The following LAMA5 variants were observed in gnomAD, a reference collection of about 807,000 sequenced individuals.
LAMA5 encodes the protein laminin subunit alpha-5.
A neutral mutation model predicts 433.4 loss-of-function variants in LAMA5; 260 were observed. The ratio of observed to expected loss-of-function variants is 0.60; its 90% CI spans 0.54 to 0.66. The LOEUF is 0.66. LAMA5 is among the 30% of genes least tolerant of loss of function. The pLI, the probability that LAMA5 is intolerant of heterozygous loss-of-function variation, is 0.00. For missense variants in LAMA5, 5,378 were observed against 5,258.5 expected, an observed-to-expected ratio of 1.02 and a Z score of -0.70; for synonymous variants, 2,620 against 2,226.6, an observed-to-expected ratio of 1.18 and a Z score of -4.97.
In LAMA5 at chr20:62,327,890, G is replaced by A; in HGVS notation, c.4773C>T (p.Pro1591=). The A allele has an allele frequency of 6.2e-7, 1 of 1,611,088 alleles. No homozygotes were observed. The highest frequency in any genetic ancestry group is 1.1e-5 in the South Asian group (1 of 90,916). ...CCTTACAGTAGCACTGCCCTGTGAG[G>A]GGGTCACACACGCCAGGCGCAGTGC... ...EAGTAPGVCD[P]LTGQCYCKEN... is the part of the protein sequence containing the mutation. Residue 1591 remains proline, a synonymous_variant, in exon 36 of 80, where the codon CCC becomes CCT. Transcript: ENST00000252999.
chr20:62,358,239 G>A (rs539850468), intron 2 of LAMA5, among the ~76,000 whole-genome samples: 26 of 152,280 alleles, frequency 1.7e-4, no homozygotes, highest in African/African-American at 6.0e-4. Context: ...CCCTTGGGCC[G>A]TGTCCTCCTT....
Position 62,324,607 on chromosome 20 carries a change from C to T in LAMA5, c.5530-53G>A, listed in dbSNP as rs1978937281. The T allele has an allele frequency of 1.6e-6, 2 of 1,255,456 alleles. No homozygotes were observed. Among genetic ancestry groups the T allele is most frequent in the Non-Finnish European group, 2.3e-6 (2 of 872,298 alleles). The allele number at this position is 1,255,456 out of a possible 1,614,324, so 77.8% of individuals were successfully genotyped here. The stretch of plus-strand genomic sequence containing the variant: ...CAGCGATTGAGAGGACGAGGGGCCC[C>T]ACCCTGCAAGCTCACAAGTCAGACC... On this transcript the variant is annotated intron_variant, in intron 41 of 79. Coordinates refer to ENST00000252999, the MANE Select transcript of LAMA5 (RefSeq NM_005560.6). This position sits in a 1 kb window ranked among gnomAD's most constrained non-coding sequence, Gnocchi z 4.4.
At position 62,313,190 on chromosome 20, in the gene LAMA5, G is replaced by C. The variant is rs564205980; in HGVS notation, c.8853C>G (p.Phe2951Leu). 3.8e-6 allele frequency: 6 copies of C among 1,570,532 alleles called. No homozygotes were observed. The highest frequency in any genetic ancestry group is 5.2e-6 in the Non-Finnish European group (6 of 1,162,850). Residue 2951 changes from phenylalanine to leucine, a missense_variant, in exon 65 of 80, where the codon TTC becomes TTG. Phe to Leu is a conservative substitution (Grantham distance 22, BLOSUM62 0). Coordinates refer to ENST00000252999, the MANE Select transcript of LAMA5 (RefSeq NM_005560.6). ...TDGSYLDGTG[F>L]ARISFDSQIS... Reference sequence around the variant, plus strand: ...TCTGACTGTCGAAGCTGATGCGGGCGAAGCCGGTGCCGTCCAGGTAGGAGC... The same window carrying C: ...TCTGACTGTCGAAGCTGATGCGGGCCAAGCCGGTGCCGTCCAGGTAGGAGC...
Position 62,334,239 on chromosome 20 carries a change from G to A in LAMA5, c.2686C>T (p.Leu896Phe). 6.2e-7 allele frequency: 1 copy of A among 1,612,950 alleles called. No homozygotes were observed. Among genetic ancestry groups the A allele is most frequent in the Non-Finnish European group, 8.5e-7 (1 of 1,179,882 alleles). ...CTCCAGCTGAAGTTCTCGAACTCGAGGGGGTTGAAGCCAAAGCGCACGGCG... is the reference window on the plus strand; with the variant it reads ...CTCCAGCTGAAGTTCTCGAACTCGAAGGGGTTGAAGCCAAAGCGCACGGCG... Reference protein sequence around the residue: ...GHAVRFGFNPLEFENFSWRGY... With the variant: ...GHAVRFGFNPFEFENFSWRGY... The change falls in exon 22 of 80, where the codon CTC becomes TTC. Residue 896 changes from leucine to phenylalanine, a missense_variant. Transcript: ENST00000252999.
rs1263471942 is a variant in LAMA5, at chr20:62,320,759, C to T, written c.6628G>A (p.Ala2210Thr). ...AGTACCTGCAGGTCAGCGATGGAGG[C>T]GTTCAGCCTGTGCAGACGGGCCCAG... Reference protein sequence around the residue: ...MAWARLHRLNASIADLQSQLR... With the variant: ...MAWARLHRLNTSIADLQSQLR... The change falls in exon 49 of 80, where the codon GCC (alanine) becomes ACC (threonine). Residue 2210 changes from alanine (A) to threonine (T), a missense_variant. Coordinates refer to ENST00000252999, the MANE Select transcript of LAMA5 (RefSeq NM_005560.6). The T allele has an allele frequency of 1.2e-5, 20 of 1,612,532 alleles. No homozygotes were observed. Among genetic ancestry groups the T allele is most frequent in the Non-Finnish European group, 1.5e-5 (18 of 1,179,916 alleles).
chr20:62,327,345 C>T lies in LAMA5; in HGVS notation c.5000G>A (p.Arg1667Gln), dbSNP rs141174321. 142 of 1,601,678 alleles carry T rather than the reference C, an allele frequency of 8.9e-5. No individual in the cohort carries two copies. The East Asian group carries it at 2.6e-3, about 29-fold the overall frequency. Residue 1667 changes from arginine to glutamine, a missense_variant, in exon 38 of 80, where the codon CGG becomes CAG. By Grantham distance (43) the Arg-to-Gln change is conservative. Coordinates refer to ENST00000252999, the MANE Select transcript of LAMA5 (RefSeq NM_005560.6). The stretch of plus-strand genomic sequence containing the variant: ...ACGGAGCATCTCCGTCCCTGGCTGC[C>T]GCTCGTGGGGCACCACCTGCCGGTC... ...STDRQVVPHE[R>Q]QPGTEMLRAD...
chr20:62,333,767 C>G (rs1166287582), intron 23 of LAMA5, 61 bp from the exon 24 acceptor site: 37 of 1,483,022 alleles, frequency 2.5e-5, no homozygotes, highest in African/African-American at 4.2e-5. Flanking sequence ...CAGGCTGCAC[C>G]CCCTACAGGG....
Position 62,314,716 on chromosome 20 carries a change from G to A in LAMA5, c.8206C>T (p.Pro2736Ser), listed in dbSNP as rs1220767873. Residue 2736 changes from proline (P) to serine (S), a missense_variant, in exon 61 of 80, where the codon CCC becomes TCC. Pro to Ser is a moderately conservative substitution (Grantham distance 74, BLOSUM62 -1). Transcript: ENST00000252999. ...CCTGAGCGCCCGTTGAACTTCATGG[G>A]CACCTTGACCTGCGGGGCACGGTCC... ...ARGAASKVKV[P>S]MKFNGRSGVQ... is the part of the protein sequence containing the mutation. The A allele has an allele frequency of 6.2e-7, 1 of 1,612,444 alleles. No individual in the cohort carries two copies. Among genetic ancestry groups the A allele is most frequent in the Non-Finnish European group, 8.5e-7 (1 of 1,179,818 alleles).
Position 62,312,774 on chromosome 20 carries a change from C to A in LAMA5, c.9085G>T (p.Val3029Leu), listed in dbSNP as rs1254967343. 1.3e-6 allele frequency: 2 copies of A among 1,591,442 alleles called. No homozygotes were observed. Residue 3029 changes from valine (V) to leucine (L), a missense_variant, in exon 67 of 80, where the codon GTG becomes TTG. Physicochemically the swap from Val to Leu is conservative, Grantham distance 32. Coordinates refer to ENST00000252999, the MANE Select transcript of LAMA5 (RefSeq NM_005560.6). Reference sequence around the variant, plus strand: ...TTGCGGCTGCCCCCCAGCAGGAACACCTGGATCTACAGGACCAGTGGGGGC... The same window carrying A: ...TTGCGGCTGCCCCCCAGCAGGAACAACTGGATCTACAGGACCAGTGGGGGC... ...PLTSASKAIQ[V>L]FLLGGSRKRV... is the part of the protein sequence containing the mutation.
At chr20:62,349,496 T>C (rs1601401722) in intron 6 of LAMA5, among the ~76,000 whole-genome samples, 2 of 150,846 alleles carry the variant, frequency 1.3e-5, no homozygotes, top group East Asian at 2.0e-4. Flanking sequence ...TGCTGAGAGA[T>C]GCAGCTATCA....
chr20:62,327,254 T>C lies in LAMA5; in HGVS notation c.5091A>G (p.Pro1697=). The C allele has an allele frequency of 6.6e-7, 1 of 1,523,112 alleles. No homozygotes were observed. The highest frequency in any genetic ancestry group is 1.8e-4 in the Middle Eastern group (1 of 5,658). The allele number at this position is 1,523,112 out of a possible 1,614,324, so 94.3% of individuals were successfully genotyped here. ...EAFPELYWQA[P]PSYLGDRVSS... ...TTACCCGGTCCCCCAGGTAGGAGGGTGGGGCCTGCCAGTACAGCTCGGGGA... is the reference window on the plus strand; with the variant it reads ...TTACCCGGTCCCCCAGGTAGGAGGGCGGGGCCTGCCAGTACAGCTCGGGGA... Residue 1697 remains proline, a synonymous_variant, in exon 38 of 80, where the codon CCA becomes CCG. Coordinates refer to ENST00000252999, the MANE Select transcript of LAMA5 (RefSeq NM_005560.6).
rs780925421 is a variant in LAMA5, at chr20:62,314,561, G to C, written c.8361C>G (p.Ser2787Arg). Residue 2787 changes from serine to arginine, a missense_variant, in exon 61 of 80, where the codon AGC becomes AGG. Coordinates refer to ENST00000252999, the MANE Select transcript of LAMA5 (RefSeq NM_005560.6). ...CACCCAGCCAGCCTGGTACCTGGCG[G>C]CTGCCCATGTACATCACAAAGCGAT... ...TEDRFVMYMG[S>R]RQATGDYMGV... 6.2e-7 allele frequency: 1 copy of C among 1,607,666 alleles called. No homozygotes were observed. Among genetic ancestry groups the C allele is most frequent in the African/African-American group, 1.3e-5 (1 of 74,832 alleles).
intron 79 of LAMA5, 108 bp from the exon 80 acceptor site, chr20:62,309,583 A>AGAGGAGGG: frequency 3.7e-6 from 1 of 267,658 alleles, no homozygotes; most frequent in Non-Finnish European, 5.3e-6. Context: ...ATTCCACATC[A>AGAGGAGGG]TAGGAGGGTG....
chr20:62,328,701 G>A lies in LAMA5; in HGVS notation c.4447+143C>T, dbSNP rs994088091. 3 of 870,274 alleles carry A rather than the reference G, an allele frequency of 3.4e-6. No homozygotes were observed. In the South Asian group the frequency reaches 5.2e-5, roughly 15 times the overall value. The allele number at this position is 870,274 out of a possible 1,614,324, so 53.9% of individuals were successfully genotyped here. A position where few individuals can be genotyped will look rare whatever the true frequency, so the allele number is the denominator to read the frequency against. ...GCATGGCCCGCAAGCTGGAGTCCTG[G>A]GCCCAGGCCCGCAGATGGGGCAGCA... On this transcript the variant is annotated intron_variant, in intron 34 of 79. Transcript: ENST00000252999.
At chr20:62,366,171 C>T (rs776460882) in intron 1 of LAMA5, among the ~76,000 whole-genome samples, 5 of 152,206 alleles carry the variant, frequency 3.3e-5, no homozygotes, top group Non-Finnish European at 5.9e-5. Flanking sequence ...TGCTGCTCCT[C>T]ACCCAAGGCT....
chr20:62,325,306 C>G lies in LAMA5; in HGVS notation c.5529+10G>C, dbSNP rs751119141. On this transcript the variant is annotated intron_variant, in intron 41 of 79. Coordinates refer to ENST00000252999, the MANE Select transcript of LAMA5 (RefSeq NM_005560.6). The stretch of plus-strand genomic sequence containing the variant: ...AGCCGCCTCGCAGTCTGGTGCTGTC[C>G]TAACCTCACCTGGCATGAGTCCCCC... 6.4e-7 allele frequency: 1 copy of G among 1,562,554 alleles called. No homozygotes were observed. Among genetic ancestry groups the G allele is most frequent in the Non-Finnish European group, 8.7e-7 (1 of 1,150,020 alleles).
rs557092868 is a variant in LAMA5, at chr20:62,366,857, G to T, written c.297+92C>A. ...AACCAGAGAGTCCGCACCTGGACTC[G>T]CCCCGGGCCACGGCGCTCCCCCTGG... On this transcript the variant is annotated intron_variant, in intron 1 of 79. Transcript: ENST00000252999. 135 of 1,226,266 alleles carry T rather than the reference G, an allele frequency of 1.1e-4. 1 individual carries two copies. In the East Asian group the frequency reaches 3.7e-3, roughly 34 times the overall value. The allele number at this position is 1,226,266 out of a possible 1,614,324, so 76.0% of individuals were successfully genotyped here. A position where few individuals can be genotyped will look rare whatever the true frequency, so the allele number is the denominator to read the frequency against.
intron 11 of LAMA5, among the ~76,000 whole-genome samples, chr20:62,343,394 AT>A (rs1201067077): frequency 2.0e-5 from 3 of 152,174 alleles, no homozygotes; most frequent in Non-Finnish European, 4.4e-5. Flanking sequence ...TCACCTCAAA[AT>A]TTACAAAATC....
At chr20:62,352,166 C>T in intron 4 of LAMA5, 76 bp downstream of exon 4, 2 of 1,576,384 alleles carry the variant, frequency 1.3e-6, no homozygotes, top group Non-Finnish European at 1.7e-6. Context: ...TTCTCCAGCC[C>T]CGCTCGGCAC....
Sources: gnomAD v4.1 joint callset for allele counts (sites outside exome capture counted in the v4.1 genomes callset) on GRCh38, gnomAD v4.1.1 for gene constraint, Gnocchi (gnomAD v3.1) non-coding constraint, MANE v1.5 for transcripts, NCBI Gene and HGNC (gene_info 2026-07-23, HGNC 2026-07-21) for gene names.